Variants in PDIA6 observed in about 807,000 individuals in gnomAD.
PDIA6 encodes the protein protein disulfide isomerase family A member 6.
In PDIA6, 29 loss-of-function variants were observed where a neutral mutation model predicts 58.4. The observed-to-expected ratio is 0.50, with a 90% confidence interval of 0.37 to 0.68. The LOEUF (loss-of-function observed/expected upper bound fraction) is 0.68, where lower values mean the gene tolerates loss of function less well. Among genes scored for constraint, PDIA6 ranks in the 30% least tolerant of loss-of-function variants. PDIA6 has a pLI of 0.00. For synonymous variants in PDIA6, 192 were observed against 202.6 expected (o/e 0.95, Z 0.44); for missense variants, 480 against 551.0 (o/e 0.87, Z 1.29).
intron 1 of PDIA6, among the ~76,000 whole-genome samples, chr2:10,827,556 G>T (rs1157519186): frequency 6.6e-6 from 1 of 151,950 alleles, no homozygotes; most frequent in Non-Finnish European, 1.5e-5. Context: ...GGATGTGGTG[G>T]CTCACACTTG....
At chr2:10,820,285 G>T (rs1235034499) in intron 1 of PDIA6, among the ~76,000 whole-genome samples, 1 of 152,124 alleles carries the variant, frequency 6.6e-6, no homozygotes, top group African/African-American at 2.4e-5. Context: ...CTGGGGAGGT[G>T]GTGTCTGATC....
chr2:10,784,866 A>C, intron 12 of PDIA6, 68 bp downstream of exon 12: 3 of 1,156,442 alleles, frequency 2.6e-6, no homozygotes, highest in Non-Finnish European at 3.8e-6. Flanking sequence ...CTCCAGGTGC[A>C]GAGATGCACA....
chr2:10,789,981 T>G (rs1420331305), intron 7 of PDIA6, 92 bp from the exon 8 acceptor site: 2 of 40,460 alleles, frequency 4.9e-5, no homozygotes, highest in African/African-American at 1.5e-4. Context: ...TTATAGGTAA[T>G]TTTTTTTTTT....
chr2:10,831,487 C>T (rs537551069), intron 1 of PDIA6, among the ~76,000 whole-genome samples: 2 of 152,266 alleles, frequency 1.3e-5, no homozygotes, highest in South Asian at 2.1e-4. Flanking sequence ...GCGTTTCACC[C>T]GGCAGCCCCA....
Position 10,802,576 on chromosome 2 carries a change from G to A in PDIA6, c.84C>T (p.Ile28=), listed in dbSNP as rs7568342. The A allele has an allele frequency of 0.015, 22,597 of 1,491,734 alleles. 3,080 individuals are homozygous for A. The African/African-American group carries it at 0.29, about 19-fold the overall frequency. The allele number at this position is 1,491,734 out of a possible 1,614,324, so 92.4% of individuals were successfully genotyped here. Residue 28 remains isoleucine (I), a synonymous_variant, in exon 2 of 13, where the codon ATC becomes ATT. Transcript: ENST00000272227. ...GGTTGAAATTCGATGGAGTTAATTCGATCACATCATCACTAGAGGAATACA... is the reference window on the plus strand; with the variant it reads ...GGTTGAAATTCGATGGAGTTAATTCAATCACATCATCACTAGAGGAATACA... ...NGLYSSSDDV[I]ELTPSNFNRE... is the part of the protein sequence containing the mutation.
chr2:10,800,512 T>G (rs79135340), intron 2 of PDIA6, among the ~76,000 whole-genome samples: 1 of 132,434 alleles, frequency 7.6e-6, no homozygotes, highest in African/African-American at 2.5e-5. Context: ...TCAATAATCA[T>G]ATTTCCATAC....
At chr2:10,810,326 G>A in intron 1 of PDIA6, 1 of 1,529,242 alleles carries the variant, frequency 6.5e-7, no homozygotes, top group Non-Finnish European at 8.7e-7. Flanking sequence ...GCATCATTAG[G>A]TAGACTGTGG....
At chr2:10,791,641 G>A (rs1408485432) in intron 6 of PDIA6, among the ~76,000 whole-genome samples, 154 bp downstream of exon 6, 9 of 152,176 alleles carry the variant, frequency 5.9e-5, no homozygotes, top group African/African-American at 1.7e-4. Flanking sequence ...AGCTCTTGGC[G>A]CTAATGTCAA....
chr2:10,799,199 G>GTTTATT (rs59905997), intron 2 of PDIA6, among the ~76,000 whole-genome samples: 73,883 of 151,748 alleles, frequency 0.49, 19,509 homozygotes, highest in South Asian at 0.58. Context: ...TAGCTATACT[G>GTTTATT]TTTATTTTTA....
At chr2:10,825,005 C>A (rs1667509348) in intron 1 of PDIA6, among the ~76,000 whole-genome samples, 1 of 152,102 alleles carries the variant, frequency 6.6e-6, no homozygotes, top group South Asian at 2.1e-4. Flanking sequence ...TGGGTGGGCA[C>A]CAGCTAATCA....
At chr2:10,820,757 G>A (rs80098874) in intron 1 of PDIA6, 44,256 of 702,960 alleles carry the variant, frequency 0.063, 1,800 homozygotes, top group South Asian at 0.1. Context: ...AGGGAGCTGG[G>A]CCAGTTCACT....
At chr2:10,793,045 C>T (rs1666104769) in intron 5 of PDIA6, 51 bp downstream of exon 5, 1 of 1,219,020 alleles carries the variant, frequency 8.2e-7, no homozygotes, top group Non-Finnish European at 1.2e-6. Context: ...AAGGTATCCA[C>T]TCTGGCTTCA....
chr2:10,828,827 T>G (rs1667628443), intron 1 of PDIA6, among the ~76,000 whole-genome samples: 1 of 152,196 alleles, frequency 6.6e-6, no homozygotes, highest in African/African-American at 2.4e-5. Context: ...GGGTCACAAG[T>G]GCATGGATGT....
intron 1 of PDIA6, among the ~76,000 whole-genome samples, chr2:10,826,420 C>A (rs140301620): frequency 2.0e-5 from 3 of 151,968 alleles, no homozygotes; most frequent in Non-Finnish European, 4.4e-5. Flanking sequence ...AGTGCAATGG[C>A]GCAGTCTTGG....
chr2:10,813,003 T>C (rs1667076422), upstream of PDIA6, among the ~76,000 whole-genome samples: 1 of 151,718 alleles, frequency 6.6e-6, no homozygotes, highest in Non-Finnish European at 1.5e-5. Flanking sequence ...GCTGGCAGTC[T>C]CGGCTCGCAC....
upstream of PDIA6, among the ~76,000 whole-genome samples, chr2:10,836,666 A>T (rs1217701168): frequency 1.3e-5 from 2 of 151,764 alleles, no homozygotes; most frequent in African/African-American, 4.8e-5. Flanking sequence ...ATTCCAGAAC[A>T]CTTCATCAGT....
intron 8 of PDIA6, among the ~76,000 whole-genome samples, chr2:10,789,338 A>T (rs1201637091): frequency 8.0e-6 from 1 of 125,208 alleles, no homozygotes; most frequent in Non-Finnish European, 1.6e-5. Flanking sequence ...TCTGTGCCTC[A>T]ATTTCCCCAT....
At position 10,791,867 on chromosome 2, in the gene PDIA6, T is replaced by C. The variant is rs1423961532; in HGVS notation, c.512A>G (p.Asp171Gly). The C allele has an allele frequency of 1.2e-6, 2 of 1,614,068 alleles. No homozygotes were observed. Among genetic ancestry groups the C allele is most frequent in the South Asian group, 1.1e-5 (1 of 91,088 alleles). Residue 171 changes from aspartate (D) to glycine (G), a missense_variant, in exon 6 of 13, where the codon GAT (aspartate) becomes GGT (glycine). Physicochemically the swap from Asp to Gly is moderately conservative, Grantham distance 94. Transcript: ENST00000272227. ...ATCTTCACTGTCCAGAACATTCTTA[T>C]CAAAGCTGTCGTCTGTCAGCTCAAT... ...DVIELTDDSFDKNVLDSEDVW... is the reference protein window; with the variant it reads ...DVIELTDDSFGKNVLDSEDVW...
chr2:10,807,910 T>C (rs1328468434), intron 1 of PDIA6, among the ~76,000 whole-genome samples: 1 of 152,246 alleles, frequency 6.6e-6, no homozygotes, highest in Non-Finnish European at 1.5e-5. Context: ...AAATGGCCCA[T>C]CTATGGTCAT....
Sources: allele counts gnomAD v4.1 joint callset (sites outside exome capture counted in the v4.1 genomes callset), GRCh38; gene constraint gnomAD v4.1.1; transcripts MANE v1.5; gene names NCBI Gene and HGNC (gene_info 2026-07-23, HGNC 2026-07-21).